Variants in CACNA1E observed in about 807,000 individuals in gnomAD.
The protein encoded by CACNA1E is voltage-dependent R-type calcium channel subunit alpha-1E.
CACNA1E carries 40 observed loss-of-function variants against 259.2 expected under a neutral mutation model. The ratio of observed to expected loss-of-function variants is 0.15; its 90% CI spans 0.12 to 0.20. The LOEUF is 0.20. Ranked by LOEUF, CACNA1E falls within the 10% of genes least tolerant of loss-of-function variation. CACNA1E has a pLI of 1.00. For missense variants in CACNA1E, 1,874 were observed against 3,040.1 expected (o/e 0.62, Z 9.02); for synonymous variants, 1,104 against 1,138.5 (o/e 0.97, Z 0.61).
intron 7 of CACNA1E, among the ~76,000 whole-genome samples, chr1:181,674,262 G>T (rs901731391): frequency 6.6e-6 from 1 of 150,506 alleles, no homozygotes; most frequent in Non-Finnish European, 1.5e-5. Flanking sequence ...GCATGGCAGC[G>T]TGCGCCTCTA....
At chr1:181,460,821 G>A (rs1297487000) in intron 2 of CACNA1E, among the ~76,000 whole-genome samples, 1 of 152,212 alleles carries the variant, frequency 6.6e-6, no homozygotes, top group African/African-American at 2.4e-5. Flanking sequence ...GATTCTGCCA[G>A]CCCTGAGTTT....
chr1:181,635,097 T>C (rs1311959364), intron 6 of CACNA1E, among the ~76,000 whole-genome samples: 1 of 152,232 alleles, frequency 6.6e-6, no homozygotes, highest in Non-Finnish European at 1.5e-5. Flanking sequence ...CAGAACAGCT[T>C]TCTTCTACCT....
At chr1:181,533,841 A>AT (rs1343356738) in intron 3 of CACNA1E, among the ~76,000 whole-genome samples, 1 of 151,786 alleles carries the variant, frequency 6.6e-6, no homozygotes, top group African/African-American at 2.4e-5. Context: ...GAATGATTTA[A>AT]TTTTTTTATT....
In CACNA1E at chr1:181,462,446, C is replaced by A. The variant is rs188484523; in HGVS notation, c.435-21298C>A. 1.8e-3 allele frequency among the ~76,000 whole-genome samples: 267 copies of A among 152,298 alleles called. 1 individual carries two copies. Among genetic ancestry groups the A allele is most frequent in the African/African-American group, 5.2e-3 (215 of 41,580 alleles). On this transcript the variant is annotated intron_variant, in intron 2 of 11. Transcript: ENST00000524607. ...GTTAGTAAGAATGTCTCTTGAACTTCTCCTAAACACAGTTTAATTATGATA... is the reference window on the plus strand; with the variant it reads ...GTTAGTAAGAATGTCTCTTGAACTTATCCTAAACACAGTTTAATTATGATA...
chr1:181,457,530 T>C (rs1661537030), intron 2 of CACNA1E, among the ~76,000 whole-genome samples: 1 of 152,214 alleles, frequency 6.6e-6, no homozygotes, highest in Admixed American at 6.5e-5. Context: ...TCTGAGACAT[T>C]ACTATGACTG....
At chr1:181,762,687 A>C (rs2102718695) in intron 33 of CACNA1E, 30 bp downstream of exon 33, 1 of 1,384,496 alleles carries the variant, frequency 7.2e-7, no homozygotes, top group African/African-American at 1.4e-5. Flanking sequence ...CATGTCTGTA[A>C]GCTTGGCCCT....
chr1:181,713,403 G>A (rs1653582420), intron 8 of CACNA1E, among the ~76,000 whole-genome samples: 1 of 152,154 alleles, frequency 6.6e-6, no homozygotes, highest in South Asian at 2.1e-4. Flanking sequence ...AGGAAGGAGT[G>A]CCCCACCAAT....
chr1:181,393,308 T>C (rs974089898), intron 1 of CACNA1E, among the ~76,000 whole-genome samples: 1 of 152,230 alleles, frequency 6.6e-6, no homozygotes, highest in Non-Finnish European at 1.5e-5. Context: ...CCTTACAGCA[T>C]TATCATAGGA....
chr1:181,758,547 T>G lies in CACNA1E; in HGVS notation c.4495-211T>G, dbSNP rs1658292253. Among the ~76,000 whole-genome samples, 1 of 152,172 alleles carries G rather than the reference T, an allele frequency of 6.6e-6. No individual in the cohort carries two copies. The highest frequency in any genetic ancestry group is 1.5e-5 in the Non-Finnish European group (1 of 68,018). On this transcript the variant is annotated intron_variant, in intron 31 of 47. Coordinates refer to ENST00000367573, the MANE Select transcript of CACNA1E (RefSeq NM_001205293.3). This position sits in a 1 kb window ranked among gnomAD's most constrained non-coding sequence, Gnocchi z 4.2. ...GAAGACTGGCTGTTTTGCTATTAAG[T>G]CTGGTGGGGCGTGGGTCTGTGTTTT...
chr1:181,595,209 G>A (rs1474941830), intron 6 of CACNA1E, among the ~76,000 whole-genome samples: 1 of 152,210 alleles, frequency 6.6e-6, no homozygotes, highest in East Asian at 1.9e-4. Flanking sequence ...GAAAGGGAGT[G>A]TGGAGCTTGA....
At chr1:181,609,777 T>A (rs1400530278) in intron 6 of CACNA1E, among the ~76,000 whole-genome samples, 2 of 152,188 alleles carry the variant, frequency 1.3e-5, no homozygotes, top group African/African-American at 4.8e-5. Flanking sequence ...TTGCCTAGAT[T>A]TGTAGATGAC....
At chr1:181,706,046 A>G (rs1044455347) in intron 7 of CACNA1E, among the ~76,000 whole-genome samples, 27 of 152,186 alleles carry the variant, frequency 1.8e-4, no homozygotes, top group African/African-American at 6.3e-4. Flanking sequence ...CCTGGATAGA[A>G]CAAATGAAAA....
intron 6 of CACNA1E, among the ~76,000 whole-genome samples, chr1:181,642,490 A>G (rs778192170): frequency 1.3e-5 from 2 of 152,198 alleles, no homozygotes; most frequent in Admixed American, 6.5e-5. Flanking sequence ...GGCACTGCAC[A>G]AAACGTTCAC....
chr1:181,335,083 G>A (rs975386005), intron 1 of CACNA1E, among the ~76,000 whole-genome samples: 8 of 152,146 alleles, frequency 5.3e-5, no homozygotes, highest in African/African-American at 1.9e-4. Context: ...TGTATGGCTT[G>A]CCCCTCACCA....
At chr1:181,663,457 CT>C (rs1465854814) in intron 7 of CACNA1E, among the ~76,000 whole-genome samples, 5 of 152,216 alleles carry the variant, frequency 3.3e-5, no homozygotes, top group Non-Finnish European at 7.3e-5. Context: ...GTTTCTTCTG[CT>C]GAGGATGTCT....
intron 6 of CACNA1E, among the ~76,000 whole-genome samples, chr1:181,638,507 G>A (rs911909797): frequency 6.6e-6 from 1 of 152,104 alleles, no homozygotes; most frequent in Non-Finnish European, 1.5e-5. Flanking sequence ...TGTGGATTCC[G>A]AATCTTCACC....
chr1:181,482,887 A>C (rs1312403837), upstream of CACNA1E, among the ~76,000 whole-genome samples: 1 of 152,224 alleles, frequency 6.6e-6, no homozygotes, highest in Non-Finnish European at 1.5e-5. Context: ...TGATCCGGGG[A>C]GGCGGCGGTG....
chr1:181,607,387 C>T (rs929408621), intron 6 of CACNA1E, among the ~76,000 whole-genome samples: 2 of 152,192 alleles, frequency 1.3e-5, no homozygotes, highest in Non-Finnish European at 2.9e-5. Flanking sequence ...TTGTCACACT[C>T]ACTAGGTTTC....
intron 21 of CACNA1E, among the ~76,000 whole-genome samples, 179 bp from the exon 22 acceptor site, chr1:181,736,096 G>C (rs1656005088): frequency 6.6e-6 from 1 of 152,214 alleles, no homozygotes; most frequent in African/African-American, 2.4e-5. Flanking sequence ...AAAATAAGAA[G>C]AGAAGAGGAG....
Sources: gnomAD v4.1 joint callset for allele counts (sites outside exome capture counted in the v4.1 genomes callset) on GRCh38, gnomAD v4.1.1 for gene constraint, Gnocchi (gnomAD v3.1) non-coding constraint, MANE v1.5 for transcripts, NCBI Gene and HGNC (gene_info 2026-07-23, HGNC 2026-07-21) for gene names.